Variants in ANKRD29 observed in about 807,000 individuals in gnomAD.
ANKRD29 encodes ankyrin repeat domain 29, also known as ankyrin repeat domain-containing protein 29.
A neutral mutation model predicts 38.0 loss-of-function variants in ANKRD29; 32 were observed. That is an observed-to-expected ratio of 0.84 (90% CI 0.64 to 1.13). ANKRD29 has a LOEUF of 1.13. Among genes scored for constraint, ANKRD29 ranks in the 50% most tolerant of loss-of-function variants. ANKRD29 has a pLI of 0.00. For synonymous variants in ANKRD29, 135 were observed against 152.4 expected (o/e 0.89, Z 0.84); for missense variants, 357 against 377.9 (o/e 0.94, Z 0.46).
intron 3 of ANKRD29, 49 bp from the exon 4 acceptor site, chr18:23,638,996 A>G (rs904934164): frequency 8.5e-6 from 12 of 1,408,938 alleles, no homozygotes; most frequent in Admixed American, 2.2e-5. Context: ...GTTATCTTAC[A>G]TTTGATTTGA....
chr18:23,601,189 T>C lies in ANKRD29; in HGVS notation c.*37A>G. 6.3e-7 allele frequency: 1 copy of C among 1,579,334 alleles called. No homozygotes were observed. Among genetic ancestry groups the C allele is most frequent in the South Asian group, 1.1e-5 (1 of 89,952 alleles). ...TGCAATTTCTTTTTGGACAATGTGGTTAAGCTTTCTATCTTTCTGTCAAAT... is the reference window on the plus strand; with the variant it reads ...TGCAATTTCTTTTTGGACAATGTGGCTAAGCTTTCTATCTTTCTGTCAAAT... On this transcript the variant is annotated 3_prime_UTR_variant, in exon 10 of 10. Coordinates refer to ENST00000592179, the MANE Select transcript of ANKRD29 (RefSeq NM_173505.4).
At chr18:23,637,841 T>C (rs1418147390) in intron 4 of ANKRD29, among the ~76,000 whole-genome samples, 4 of 152,136 alleles carry the variant, frequency 2.6e-5, no homozygotes, top group East Asian at 3.8e-4. Context: ...ATAATTAGGC[T>C]AGAAATGAGC....
intron 5 of ANKRD29, 107 bp from the exon 6 acceptor site, chr18:23,630,058 G>C: frequency 1.1e-6 from 1 of 904,948 alleles, no homozygotes; most frequent in Non-Finnish European, 1.7e-6. Flanking sequence ...AGCACTTTGG[G>C]AGGCCTAGGT....
chr18:23,624,895 A>T (rs1788759), intron 6 of ANKRD29, among the ~76,000 whole-genome samples: 279 of 152,316 alleles, frequency 1.8e-3, no homozygotes, highest in African/African-American at 6.2e-3. Context: ...GGAGTATATG[A>T]CACAACCTGT....
chr18:23,603,573 C>T (rs1291198758), intron 9 of ANKRD29, among the ~76,000 whole-genome samples: 1 of 152,134 alleles, frequency 6.6e-6, no homozygotes, highest in African/African-American at 2.4e-5. Flanking sequence ...GCGGAGGTTG[C>T]AGTGAGCTGA....
At chr18:23,619,991 C>T (rs1268378866) in intron 6 of ANKRD29, among the ~76,000 whole-genome samples, 1 of 152,154 alleles carries the variant, frequency 6.6e-6, no homozygotes, top group Admixed American at 6.5e-5. Flanking sequence ...GAGCAGCTGA[C>T]CTGTATACAT....
intron 9 of ANKRD29, 121 bp from the exon 10 acceptor site, chr18:23,601,430 T>A (rs2059510879): frequency 2.9e-6 from 2 of 694,626 alleles, no homozygotes; most frequent in African/African-American, 1.8e-5. Flanking sequence ...CACACTGGAC[T>A]CACTCTTTTA....
chr18:23,616,569 A>G (rs1475823455), intron 8 of ANKRD29, among the ~76,000 whole-genome samples: 1 of 128,964 alleles, frequency 7.8e-6, no homozygotes, highest in African/African-American at 3.2e-5. Flanking sequence ...TATATACACT[A>G]TATATACAGT....
chr18:23,611,974 T>C, intron 9 of ANKRD29, 118 bp downstream of exon 9: 1 of 841,630 alleles, frequency 1.2e-6, no homozygotes. Flanking sequence ...CAACCTTGAA[T>C]GCCCTTACTA....
intron 6 of ANKRD29, among the ~76,000 whole-genome samples, chr18:23,621,810 G>A (rs983907712): frequency 5.3e-5 from 8 of 152,026 alleles, no homozygotes; most frequent in Non-Finnish European, 8.8e-5. Flanking sequence ...TAGTAGCTGA[G>A]ACTACAGGTG....
chr18:23,649,530 G>A (rs1216346697), intron 1 of ANKRD29: 2 of 528,128 alleles, frequency 3.8e-6, no homozygotes, highest in Admixed American at 4.5e-5. Flanking sequence ...CATCCTTCAA[G>A]GCCAAGGCTC....
At chr18:23,637,225 T>A (rs1476344095) in intron 4 of ANKRD29, among the ~76,000 whole-genome samples, 5 of 152,240 alleles carry the variant, frequency 3.3e-5, no homozygotes, top group South Asian at 2.1e-4. Flanking sequence ...TTACTTTCTA[T>A]TTTTAGTTAT....
At chr18:23,631,033 C>A (rs894836843) in intron 5 of ANKRD29, among the ~76,000 whole-genome samples, 13 of 150,910 alleles carry the variant, frequency 8.6e-5, no homozygotes, top group African/African-American at 3.2e-4. Context: ...TTAATTAGAT[C>A]TTTCCTACCC....
intron 2 of ANKRD29, chr18:23,648,809 T>G (rs2060172978): frequency 4.8e-6 from 2 of 419,314 alleles, no homozygotes; most frequent in Non-Finnish European, 8.3e-6. Flanking sequence ...GCTTTTCTTC[T>G]TGTAATCTGC....
intron 9 of ANKRD29, among the ~76,000 whole-genome samples, chr18:23,611,157 G>C (rs186630457): frequency 1.6e-3 from 245 of 152,304 alleles, no homozygotes; most frequent in African/African-American, 5.8e-3. Flanking sequence ...TTTAGGACTA[G>C]AAAAAAGTGG....
intron 6 of ANKRD29, among the ~76,000 whole-genome samples, chr18:23,627,980 A>G (rs138737457): frequency 1.1e-3 from 162 of 152,336 alleles, no homozygotes; most frequent in Non-Finnish European, 1.9e-3. Context: ...GCCACCTAAG[A>G]ATAACTTTAC....
chr18:23,603,066 C>T lies in ANKRD29; in HGVS notation c.823-1757G>A, dbSNP rs927595251. ...AATTAAGCTTCACACAGATATGTAG[C>T]TGGAAAAGGAAGGAGTATTTTAACA... On this transcript the variant is annotated intron_variant, in intron 9 of 9. Transcript: ENST00000592179. 2.0e-4 allele frequency among the ~76,000 whole-genome samples: 30 copies of T among 152,114 alleles called. 1 individual carries two copies. The highest frequency in any genetic ancestry group is 1.9e-3 in the Admixed American group (29 of 15,260).
In ANKRD29 at chr18:23,649,199, A is replaced by G. The variant is rs2060179710; in HGVS notation, c.22-6T>C. On this transcript the variant is annotated splice_polypyrimidine_tract_variant and splice_region_variant and intron_variant, in intron 1 of 9. Transcript: ENST00000592179. ...TTGGCAAGTGGAGTTTCCTTCTGCA[A>G]GAACAAAATGAAACAGGATCTTAAA... The G allele has an allele frequency of 6.2e-7, 1 of 1,608,976 alleles. No homozygotes were observed. The highest frequency in any genetic ancestry group is 1.7e-5 in the Admixed American group (1 of 59,286).
chr18:23,662,805 C>T lies in ANKRD29; in HGVS notation c.-75G>A, dbSNP rs868226578. On this transcript the variant is annotated 5_prime_UTR_variant, in exon 1 of 10. Coordinates refer to ENST00000592179, the MANE Select transcript of ANKRD29 (RefSeq NM_173505.4). Reference sequence around the variant, plus strand: ...TTGTCCTCCCCGGCCCTTCACTCTCCCGGGGCTCTCGGCGTTCCGCAGAGG... The same window carrying T: ...TTGTCCTCCCCGGCCCTTCACTCTCTCGGGGCTCTCGGCGTTCCGCAGAGG... 3 of 1,277,564 alleles carry T rather than the reference C, an allele frequency of 2.3e-6. No individual in the cohort carries two copies. The highest frequency in any genetic ancestry group is 3.1e-5 in the African/African-American group (2 of 64,004). 79.1% of individuals were successfully genotyped at this position (1,277,564 alleles called of 1,614,324 possible). A position where few individuals can be genotyped will look rare whatever the true frequency, so the allele number is the denominator to read the frequency against.
Sources: allele counts gnomAD v4.1 joint callset (sites outside exome capture counted in the v4.1 genomes callset), GRCh38; gene constraint gnomAD v4.1.1; transcripts MANE v1.5; gene names NCBI Gene and HGNC (gene_info 2026-07-23, HGNC 2026-07-21).